APLF: variants seen among roughly 807,000 people sequenced by gnomAD.
The protein encoded by APLF is aprataxin and PNK-like factor.
APLF carries 61 observed loss-of-function variants against 55.6 expected under a neutral mutation model. The ratio of observed to expected loss-of-function variants is 1.10; its 90% CI spans 0.89 to 1.36. The LOEUF (loss-of-function observed/expected upper bound fraction) is 1.36, where lower values mean the gene tolerates loss of function less well. Among genes scored for constraint, APLF ranks in the 40% most tolerant of loss-of-function variants. APLF has a pLI of 0.00. For missense variants in APLF, 611 were observed against 602.5 expected (o/e 1.01, Z -0.15); for synonymous variants, 207 against 214.8 (o/e 0.96, Z 0.32).
intron 9 of APLF, chr2:68,568,364 G>A: frequency 3.2e-6 from 3 of 945,446 alleles, no homozygotes; most frequent in Non-Finnish European, 3.8e-6. Flanking sequence ...AGTGATGAAA[G>A]TAAATGATTT....
chr2:68,537,718 G>A (rs1289081149), intron 6 of APLF, among the ~76,000 whole-genome samples, 154 bp from the exon 7 acceptor site: 5 of 152,108 alleles, frequency 3.3e-5, no homozygotes, highest in Admixed American at 6.6e-5. Flanking sequence ...TAAACTAAGC[G>A]CATAGAAAAT....
chr2:68,563,349 T>G (rs953197745), intron 8 of APLF: 2 of 983,064 alleles, frequency 2.0e-6, no homozygotes, highest in African/African-American at 3.5e-5. Context: ...AATGTAACAC[T>G]TCTTTCATAG....
Position 68,490,200 on chromosome 2 carries a change from A to G in APLF, c.107A>G (p.Lys36Arg), listed in dbSNP as rs910356674. The G allele has an allele frequency of 1.9e-6, 3 of 1,609,556 alleles. No individual in the cohort carries two copies. Among genetic ancestry groups the G allele is most frequent in the East Asian group, 2.2e-5 (1 of 44,694 alleles). Residue 36 changes from lysine to arginine, a missense_variant, in exon 2 of 10, where the codon AAG becomes AGG. Transcript: ENST00000303795. ...TTTTTTACTGTATAGATAACAGACAAGAGAGTATCCAGAAGACATGCCATT... is the reference window on the plus strand; with the variant it reads ...TTTTTTACTGTATAGATAACAGACAGGAGAGTATCCAGAAGACATGCCATT... ...GRGPLLGITD[K>R]RVSRRHAILE...
intron 6 of APLF, chr2:68,528,392 A>G: frequency 6.5e-7 from 1 of 1,534,322 alleles, no homozygotes; most frequent in Admixed American, 2.0e-5. Context: ...CTCAGGAGAT[A>G]GACATGGAAG....
rs1671728391 is a variant in APLF, at chr2:68,580,021, A to C, written c.*1999A>C. ...GTCTTTTAGAAGGAAAAAAATATTT[A>C]ATATCAAAGGATATTCTTCGTAGTA... On this transcript the variant is annotated 3_prime_UTR_variant, in exon 10 of 10. Transcript: ENST00000303795. 1 of 904,814 alleles carries C rather than the reference A, an allele frequency of 1.1e-6. No individual in the cohort carries two copies. Among genetic ancestry groups the C allele is most frequent in the African/African-American group, 1.8e-5 (1 of 55,520 alleles). 56.0% of individuals were successfully genotyped at this position (904,814 alleles called of 1,614,324 possible).
intron 5 of APLF, chr2:68,515,484 T>C: frequency 1.3e-6 from 1 of 743,476 alleles, no homozygotes. Flanking sequence ...CAACTCCTTT[T>C]CTTTCAGAAT....
At chr2:68,577,764 G>A (rs1671661269) in intron 9 of APLF, 56 bp from the exon 10 acceptor site, 1 of 1,585,772 alleles carries the variant, frequency 6.3e-7, no homozygotes, top group South Asian at 1.1e-5. Context: ...GTAGATGTCT[G>A]TCATCCCAGG....
intron 8 of APLF, among the ~76,000 whole-genome samples, chr2:68,550,394 G>A (rs1396171728): frequency 2.6e-5 from 4 of 151,834 alleles, no homozygotes; most frequent in Non-Finnish European, 5.9e-5. Context: ...ACCACGCCCG[G>A]CTAATTTTTG....
intron 1 of APLF, among the ~76,000 whole-genome samples, chr2:68,470,557 A>G (rs1268277095): frequency 6.6e-6 from 1 of 152,220 alleles, no homozygotes; most frequent in East Asian, 1.9e-4. Context: ...TTAATTTAAA[A>G]GGGTTTTACA....
intron 5 of APLF, among the ~76,000 whole-genome samples, chr2:68,516,971 A>T (rs1669604177): frequency 7.9e-6 from 1 of 126,014 alleles, no homozygotes; most frequent in East Asian, 2.1e-4. Context: ...TAATAATATA[A>T]TATAATATAA....
At chr2:68,541,931 TA>T (rs1324074223) in intron 7 of APLF, among the ~76,000 whole-genome samples, 1 of 152,128 alleles carries the variant, frequency 6.6e-6, no homozygotes, top group Non-Finnish European at 1.5e-5. Flanking sequence ...GGTACTGGCA[TA>T]AAGATAGACA....
intron 6 of APLF, among the ~76,000 whole-genome samples, chr2:68,537,518 C>T (rs941834179): frequency 2.0e-5 from 3 of 151,974 alleles, no homozygotes; most frequent in South Asian, 4.1e-4. Context: ...CAGGCACCCA[C>T]CACCATGCTC....
chr2:68,563,061 C>G (rs1671209814), intron 8 of APLF: 1 of 985,024 alleles, frequency 1.0e-6, no homozygotes, highest in Admixed American at 6.2e-5. Flanking sequence ...AAATAGCTGG[C>G]AAAGTTTTAT....
intron 9 of APLF, among the ~76,000 whole-genome samples, chr2:68,572,298 T>A (rs1671491723): frequency 6.6e-6 from 1 of 152,166 alleles, no homozygotes; most frequent in Non-Finnish European, 1.5e-5. Flanking sequence ...TTAAAAAAAT[T>A]ACTCTTTAAT....
At chr2:68,503,006 A>AC (rs1292761877) in intron 3 of APLF, 103 bp downstream of exon 3, 52 of 1,251,666 alleles carry the variant, frequency 4.2e-5, no homozygotes, top group African/African-American at 2.5e-4. Context: ...TAAACTGGAG[A>AC]TAGAGTAGGT....
rs189391355 is a variant in APLF, at chr2:68,554,161, T to A, written c.1286+8849T>A. On this transcript the variant is annotated intron_variant, in intron 8 of 9. Transcript: ENST00000303795. ...GTACGTATATGGGTATATATTTCATTTGTAGCCATTCCATCCCATGAGTAA... is the reference window on the plus strand; with the variant it reads ...GTACGTATATGGGTATATATTTCATATGTAGCCATTCCATCCCATGAGTAA... 2.4e-3 allele frequency among the ~76,000 whole-genome samples: 359 copies of A among 152,164 alleles called. 7 individuals are homozygous for A. Among genetic ancestry groups the A allele is most frequent in the Admixed American group, 0.022 (342 of 15,246 alleles).
In APLF at chr2:68,570,441, C is replaced by A. The variant is rs1317439561; in HGVS notation, c.1333+3054C>A. On this transcript the variant is annotated intron_variant, in intron 9 of 9. Transcript: ENST00000303795. ...ATATCTCCTAATGCTATCCCTCCCC[C>A]ACTCCCCCCACCCCACAACAGGCCC... is the stretch of plus-strand genomic sequence containing the variant. Among the ~76,000 whole-genome samples the A allele has an allele frequency of 5.3e-5, 8 of 151,552 alleles. No individual in the cohort carries two copies. In the South Asian group the frequency reaches 1.0e-3, roughly 20 times the overall value.
At chr2:68,569,208 A>C (rs1455714242) in intron 9 of APLF, among the ~76,000 whole-genome samples, 1 of 152,078 alleles carries the variant, frequency 6.6e-6, no homozygotes, top group Non-Finnish European at 1.5e-5. Context: ...GCCGGCTCGT[A>C]ATTGTGGTTA....
chr2:68,564,619 A>C (rs935362551), intron 8 of APLF, among the ~76,000 whole-genome samples: 1 of 152,104 alleles, frequency 6.6e-6, no homozygotes, highest in African/African-American at 2.4e-5. Context: ...GAATCCTCAC[A>C]ACAGCTTCTT....
Sources: allele counts gnomAD v4.1 joint callset (sites outside exome capture counted in the v4.1 genomes callset), GRCh38; gene constraint gnomAD v4.1.1; transcripts MANE v1.5; gene names NCBI Gene and HGNC (gene_info 2026-07-23, HGNC 2026-07-21).